Variants in MEGF9 observed in about 807,000 individuals in gnomAD.
The protein encoded by MEGF9 is multiple epidermal growth factor-like domains protein 9.
Under a neutral mutation model 46.8 loss-of-function variants are expected in MEGF9, and 6 were observed. The ratio of observed to expected loss-of-function variants is 0.13; its 90% CI spans 0.07 to 0.25. MEGF9 has a LOEUF of 0.25. Ranked by LOEUF, MEGF9 falls within the 10% of genes least tolerant of loss-of-function variation. MEGF9 has a pLI of 1.00. For synonymous variants in MEGF9, 302 were observed against 330.7 expected, an observed-to-expected ratio of 0.91 and a Z score of 0.94; for missense variants, 683 against 792.4, an observed-to-expected ratio of 0.86 and a Z score of 1.66.
At chr9:120,653,377 T>A (rs75176231) in intron 2 of MEGF9, among the ~76,000 whole-genome samples, 2,480 of 146,076 alleles carry the variant, frequency 0.017, 65 homozygotes, top group African/African-American at 0.058. Flanking sequence ...TTATTTTATT[T>A]ATTTTTTTTT....
chr9:120,714,412 G>T lies in MEGF9; in HGVS notation c.-54C>A. ...CTTCTCCTCGTTGCAATCCGACCAA[G>T]GAAGCCTCCGCAACCGCCGCCGCCA... On this transcript the variant is annotated 5_prime_UTR_variant, in exon 1 of 6. Coordinates refer to ENST00000373930, the MANE Select transcript of MEGF9 (RefSeq NM_001080497.3). 1 of 1,236,408 alleles carries T rather than the reference G, an allele frequency of 8.1e-7. No homozygotes were observed. Among genetic ancestry groups the T allele is most frequent in the East Asian group, 3.4e-5 (1 of 29,164 alleles). 76.6% of individuals were successfully genotyped at this position (1,236,408 alleles called of 1,614,324 possible).
chr9:120,619,555 A>G (rs1290786913), intron 3 of MEGF9, among the ~76,000 whole-genome samples: 4 of 152,242 alleles, frequency 2.6e-5, no homozygotes, highest in Admixed American at 2.6e-4. Context: ...GGTAAGGTCA[A>G]CATTTGGTTT....
intron 2 of MEGF9, among the ~76,000 whole-genome samples, chr9:120,653,467 G>A (rs2043662882): frequency 6.6e-6 from 1 of 151,674 alleles, no homozygotes. Context: ...CACCTCCCAG[G>A]TTCAAGCAAT....
At position 120,705,556 on chromosome 9, in the gene MEGF9, A is replaced by G. The variant is rs1335779456; in HGVS notation, c.601+8202T>C. Among the ~76,000 whole-genome samples, 9 of 151,674 alleles carry G rather than the reference A, an allele frequency of 5.9e-5. No individual in the cohort carries two copies. The East Asian group carries it at 1.5e-3, about 26-fold the overall frequency. ...GGAAGAAAGGTTTTTTTTTTTTTCAATGAAGACAAAATAATAGGGAAAGAT... is the reference window on the plus strand; with the variant it reads ...GGAAGAAAGGTTTTTTTTTTTTTCAGTGAAGACAAAATAATAGGGAAAGAT... On this transcript the variant is annotated intron_variant, in intron 1 of 5. Transcript: ENST00000373930.
At chr9:120,705,122 AT>A (rs1008016954) in intron 1 of MEGF9, among the ~76,000 whole-genome samples, 78 of 151,812 alleles carry the variant, frequency 5.1e-4, no homozygotes, top group Non-Finnish European at 2.9e-4. Flanking sequence ...TCTTTTCTCC[AT>A]TTTTTTTCAA....
Position 120,604,402 on chromosome 9 carries a change from G to A in MEGF9, c.*788C>T, listed in dbSNP as rs1385570408. ...AATTCCAGATGATAAAATATGACAT[G>A]ATTTTTTTTTTACAAATAGATACAA... On this transcript the variant is annotated 3_prime_UTR_variant, in exon 6 of 6. Coordinates refer to ENST00000373930, the MANE Select transcript of MEGF9 (RefSeq NM_001080497.3). 6.6e-6 allele frequency: 1 copy of A among 152,226 alleles called. No individual in the cohort carries two copies. The highest frequency in any genetic ancestry group is 1.5e-5 in the Non-Finnish European group (1 of 67,992). 9.4% of individuals were successfully genotyped at this position (152,226 alleles called of 1,614,324 possible).
intron 3 of MEGF9, among the ~76,000 whole-genome samples, chr9:120,617,881 CAGTAATAAAAAGG>C (rs1446921441): frequency 6.6e-6 from 1 of 151,998 alleles, no homozygotes; most frequent in African/African-American, 2.4e-5. Context: ...TGGATATTTG[CAGTAATAAAAAGG>C]AGCAAAATCA....
chr9:120,689,331 C>T (rs765713319), intron 1 of MEGF9, among the ~76,000 whole-genome samples: 2 of 152,044 alleles, frequency 1.3e-5, no homozygotes, highest in Non-Finnish European at 2.9e-5. Context: ...CTATAGAGAA[C>T]TGGAAAAAGT....
intron 1 of MEGF9, among the ~76,000 whole-genome samples, chr9:120,704,499 T>G (rs1325431517): frequency 6.6e-6 from 1 of 152,222 alleles, no homozygotes; most frequent in African/African-American, 2.4e-5. Context: ...AACAGTCCTC[T>G]TCTCCAAATA....
intron 2 of MEGF9, among the ~76,000 whole-genome samples, chr9:120,636,745 G>A (rs909458890): frequency 2.6e-5 from 4 of 151,136 alleles, no homozygotes; most frequent in South Asian, 2.1e-4. Context: ...ACTGAGGAGC[G>A]CCTCCGCCCG....
chr9:120,695,811 G>A (rs541978132), intron 1 of MEGF9, among the ~76,000 whole-genome samples: 3 of 152,128 alleles, frequency 2.0e-5, no homozygotes, highest in South Asian at 4.2e-4. Flanking sequence ...TTCCTATTTG[G>A]AGGAATTCTC....
chr9:120,713,673 G>T, intron 1 of MEGF9, 85 bp downstream of exon 1: 1 of 1,237,016 alleles, frequency 8.1e-7, no homozygotes. Context: ...GGTAACAAAC[G>T]ATAAATTATA....
intron 2 of MEGF9, among the ~76,000 whole-genome samples, chr9:120,654,225 T>C (rs2132320197): frequency 6.6e-6 from 1 of 152,202 alleles, no homozygotes; most frequent in South Asian, 2.1e-4. Flanking sequence ...CAACACACTT[T>C]GATGCTATGA....
intron 2 of MEGF9, among the ~76,000 whole-genome samples, chr9:120,638,513 C>A (rs2043588715): frequency 6.6e-6 from 1 of 152,026 alleles, no homozygotes; most frequent in Non-Finnish European, 1.5e-5. Flanking sequence ...GGTTTGAACC[C>A]TATAGGGGGT....
At chr9:120,675,455 T>C (rs1033251874) in intron 1 of MEGF9, among the ~76,000 whole-genome samples, 10 of 151,966 alleles carry the variant, frequency 6.6e-5, no homozygotes, top group Non-Finnish European at 2.9e-5. Context: ...TACTCCAGCA[T>C]GGTGGCTCAG....
chr9:120,685,324 T>A (rs2043817357), intron 1 of MEGF9, among the ~76,000 whole-genome samples: 1 of 152,188 alleles, frequency 6.6e-6, no homozygotes, highest in Non-Finnish European at 1.5e-5. Flanking sequence ...AACACAACCG[T>A]CGAACTTCCT....
At chr9:120,643,902 A>C (rs1266093342) in intron 2 of MEGF9, among the ~76,000 whole-genome samples, 1 of 151,998 alleles carries the variant, frequency 6.6e-6, no homozygotes, top group East Asian at 1.9e-4. Flanking sequence ...TGTTGTAGAG[A>C]TGGGGTCTCC....
chr9:120,645,275 C>A (rs753927100), intron 2 of MEGF9, among the ~76,000 whole-genome samples: 11 of 152,168 alleles, frequency 7.2e-5, no homozygotes, highest in Non-Finnish European at 1.6e-4. Flanking sequence ...CATATATAAA[C>A]TGAAGGAGCT....
chr9:120,709,530 A>C (rs1472911821), intron 1 of MEGF9, among the ~76,000 whole-genome samples: 1 of 152,206 alleles, frequency 6.6e-6, no homozygotes, highest in African/African-American at 2.4e-5. Flanking sequence ...TGGCCAAGAC[A>C]GAGAGGGATC....
Sources: gnomAD v4.1 joint callset for allele counts (sites outside exome capture counted in the v4.1 genomes callset) on GRCh38, gnomAD v4.1.1 for gene constraint, MANE v1.5 for transcripts, NCBI Gene and HGNC (gene_info 2026-07-23, HGNC 2026-07-21) for gene names.